SOX5: variants seen among roughly 807,000 people sequenced by gnomAD.
The protein encoded by SOX5 is SRY-box transcription factor 5.
Under a neutral mutation model 92.0 loss-of-function variants are expected in SOX5, and 9 were observed. The ratio of observed to expected loss-of-function variants is 0.10; its 90% CI spans 0.06 to 0.17. The LOEUF (loss-of-function observed/expected upper bound fraction) is 0.17, where lower values mean the gene tolerates loss of function less well. Among genes scored for constraint, SOX5 ranks in the 10% least tolerant of loss-of-function variants. The probability of loss-of-function intolerance (pLI) is 1.00; values close to 1 mark genes in which losing one functional copy is unlikely to be tolerated. For synonymous variants in SOX5, 344 were observed against 336.3 expected (o/e 1.02, Z -0.25); for missense variants, 642 against 944.5 (o/e 0.68, Z 4.20).
At chr12:23,789,180 T>C (rs558371492) in intron 3 of SOX5, among the ~76,000 whole-genome samples, 7 of 151,870 alleles carry the variant, frequency 4.6e-5, no homozygotes, top group Non-Finnish European at 8.8e-5. Context: ...TAGATCATAA[T>C]GCAATCAAAG....
chr12:24,006,107 T>C (rs1952131972), intron 4 of SOX5, among the ~76,000 whole-genome samples: 1 of 152,118 alleles, frequency 6.6e-6, no homozygotes, highest in Non-Finnish European at 1.5e-5. Flanking sequence ...TGGGAAAAAA[T>C]TATTACTCAG....
chr12:24,230,164 T>G (rs1388966563), intron 3 of SOX5, among the ~76,000 whole-genome samples: 1 of 152,124 alleles, frequency 6.6e-6, no homozygotes, highest in East Asian at 1.9e-4. Flanking sequence ...GATCTGTTAA[T>G]TAACTAGAAG....
intron 4 of SOX5, among the ~76,000 whole-genome samples, chr12:24,140,943 T>A (rs1950529935): frequency 6.6e-6 from 1 of 152,184 alleles, no homozygotes; most frequent in Non-Finnish European, 1.5e-5. Flanking sequence ...ATAGCTATAT[T>A]TCTATCAAGT....
intron 3 of SOX5, among the ~76,000 whole-genome samples, chr12:24,222,352 G>C: frequency 1.3e-5 from 2 of 152,212 alleles, no homozygotes; most frequent in African/African-American, 4.8e-5. Context: ...ATTTTGTCTT[G>C]GGCCAGAGTA....
At chr12:24,362,412 G>A (rs1955680941) in intron 2 of SOX5, among the ~76,000 whole-genome samples, 1 of 152,130 alleles carries the variant, frequency 6.6e-6, no homozygotes, top group Admixed American at 6.5e-5. Context: ...TAAAATTACT[G>A]GTCTTGTATT....
At chr12:23,696,364 A>G (rs1275712682) in intron 6 of SOX5, among the ~76,000 whole-genome samples, 1 of 152,154 alleles carries the variant, frequency 6.6e-6, no homozygotes, top group Non-Finnish European at 1.5e-5. Context: ...TCTGCCTTTC[A>G]GAGGGTTATC....
intron 10 of SOX5, among the ~76,000 whole-genome samples, chr12:23,569,563 T>C (rs1315516097): frequency 6.6e-6 from 1 of 152,196 alleles, no homozygotes; most frequent in Non-Finnish European, 1.5e-5. Flanking sequence ...CTCCTCATGA[T>C]GTCAACTCTG....
At chr12:24,395,701 T>C (rs550345263) in intron 1 of SOX5, among the ~76,000 whole-genome samples, 24 of 152,354 alleles carry the variant, frequency 1.6e-4, no homozygotes, top group African/African-American at 5.8e-4. Flanking sequence ...ATAATATCTA[T>C]GCTAGGGTGC....
intron 4 of SOX5, among the ~76,000 whole-genome samples, chr12:24,172,102 CGTGT>C (rs75951973): frequency 7.9e-5 from 12 of 151,388 alleles, no homozygotes; most frequent in Non-Finnish European, 1.3e-4. Context: ...TGCGTGCGCG[CGTGT>C]GTGTCTGTGT....
At chr12:24,251,015 T>C (rs904066889) in intron 3 of SOX5, among the ~76,000 whole-genome samples, 2 of 152,242 alleles carry the variant, frequency 1.3e-5, no homozygotes, top group Non-Finnish European at 2.9e-5. Flanking sequence ...AGTTTTATAG[T>C]AAAGACCAAC....
intron 4 of SOX5, among the ~76,000 whole-genome samples, chr12:24,204,872 C>T (rs1430005309): frequency 4.1e-5 from 6 of 146,234 alleles, no homozygotes; most frequent in Non-Finnish European, 7.5e-5. Flanking sequence ...TTCATGTTTA[C>T]CTCCTCTCAC....
chr12:24,325,905 C>A (rs146651010), intron 2 of SOX5, among the ~76,000 whole-genome samples: 67 of 152,242 alleles, frequency 4.4e-4, no homozygotes, highest in African/African-American at 1.6e-3. Context: ...CGTGCACGCG[C>A]GCGCGTGTGT....
intron 1 of SOX5, among the ~76,000 whole-genome samples, chr12:24,516,587 A>G (rs996410759): frequency 1.3e-5 from 2 of 152,150 alleles, no homozygotes; most frequent in African/African-American, 4.8e-5. Context: ...TGTCTTTGAT[A>G]CTTACCCCTT....
At chr12:24,370,548 T>C (rs542837714) in intron 1 of SOX5, among the ~76,000 whole-genome samples, 3 of 150,340 alleles carry the variant, frequency 2.0e-5, no homozygotes, top group Non-Finnish European at 4.4e-5. Flanking sequence ...TCCCGGCACT[T>C]TGGGAGGCGA....
At chr12:24,495,923 T>C (rs1045704992) in intron 1 of SOX5, among the ~76,000 whole-genome samples, 2 of 152,206 alleles carry the variant, frequency 1.3e-5, no homozygotes, top group African/African-American at 2.4e-5. Context: ...GATAATTTCT[T>C]AGTGTTATAA....
At chr12:24,319,292 C>T (rs960708538) in intron 2 of SOX5, among the ~76,000 whole-genome samples, 3 of 152,204 alleles carry the variant, frequency 2.0e-5, no homozygotes, top group Admixed American at 6.5e-5. Flanking sequence ...CTCCCTTTCC[C>T]TGTTTATCCA....
chr12:24,461,079 C>T (rs1437512061), intron 1 of SOX5, among the ~76,000 whole-genome samples: 1 of 152,110 alleles, frequency 6.6e-6, no homozygotes, highest in African/African-American at 2.4e-5. Context: ...TATGTTTGGC[C>T]TGAGATTTGG....
chr12:23,821,226 G>A (rs2096108579), intron 3 of SOX5, among the ~76,000 whole-genome samples: 1 of 152,072 alleles, frequency 6.6e-6, no homozygotes, highest in Admixed American at 6.5e-5. Flanking sequence ...ATCTCTTTTT[G>A]TCTATTTTTG....
intron 6 of SOX5, among the ~76,000 whole-genome samples, chr12:23,681,474 T>TA (rs2086622464): frequency 6.6e-6 from 1 of 151,702 alleles, no homozygotes. Flanking sequence ...TGAATATTTT[T>TA]AAAAATCCAG....
Sources: gnomAD v4.1 joint callset for allele counts (sites outside exome capture counted in the v4.1 genomes callset) on GRCh38, gnomAD v4.1.1 for gene constraint, MANE v1.5 for transcripts, NCBI Gene and HGNC (gene_info 2026-07-23, HGNC 2026-07-21) for gene names.